SPINK5: variants seen among roughly 807,000 people sequenced by gnomAD.
The protein encoded by SPINK5 is serine peptidase inhibitor Kazal type 5, also known as serine protease inhibitor Kazal-type 5.
In SPINK5, 125 loss-of-function variants were observed where a neutral mutation model predicts 151.8. The ratio of observed to expected loss-of-function variants is 0.82; its 90% CI spans 0.71 to 0.96. The LOEUF (loss-of-function observed/expected upper bound fraction) is 0.96, where lower values mean the gene tolerates loss of function less well. Ranked by LOEUF, SPINK5 falls within the 40% of genes least tolerant of loss-of-function variation. The pLI is 0.00. For missense variants in SPINK5, 1,194 were observed against 1,291.9 expected (o/e 0.92, Z 1.16); for synonymous variants, 374 against 395.3 (o/e 0.95, Z 0.64).
chr5:148,070,280 T>C (rs1056656156), intron 2 of SPINK5, 43 bp from the exon 3 acceptor site: 8 of 1,607,128 alleles, frequency 5.0e-6, no homozygotes, highest in Non-Finnish European at 6.8e-6. Context: ...AAGCTTGTTT[T>C]GATGTACTTT....
intron 4 of SPINK5, among the ~76,000 whole-genome samples, chr5:148,072,830 CA>C (rs1269377541): frequency 1.3e-5 from 2 of 148,536 alleles, no homozygotes; most frequent in Non-Finnish European, 3.0e-5. Flanking sequence ...GACAGGGACT[CA>C]GGCTAATATT....
chr5:148,105,625 G>GT (rs200175062), intron 16 of SPINK5, among the ~76,000 whole-genome samples: 5,090 of 139,586 alleles, frequency 0.036, 147 homozygotes, highest in East Asian at 0.12. Context: ...CTTTTTTTCT[G>GT]TTTTTTTTGA....
rs1753657535 is a variant in SPINK5, at chr5:148,101,920, A to T, written c.1430+12A>T. 1 of 1,613,428 alleles carries T rather than the reference A, an allele frequency of 6.2e-7. No homozygotes were observed. The highest frequency in any genetic ancestry group is 8.5e-7 in the Non-Finnish European group (1 of 1,179,512). On this transcript the variant is annotated intron_variant, in intron 15 of 32. Coordinates refer to ENST00000256084, the MANE Select transcript of SPINK5 (RefSeq NM_006846.4). ...TGTGAGGCCTTCTTGTGAGTAGAGC[A>T]GTAGCCCCATAGCGTCTGAGGATTG...
intron 15 of SPINK5, among the ~76,000 whole-genome samples, chr5:148,104,474 T>C (rs770885594): frequency 3.3e-5 from 5 of 152,174 alleles, no homozygotes; most frequent in Non-Finnish European, 5.9e-5. Flanking sequence ...TGAGGTAGAG[T>C]GAATCATAAT....
intron 2 of SPINK5, among the ~76,000 whole-genome samples, chr5:148,069,184 G>A (rs1354084525): frequency 6.6e-6 from 1 of 151,824 alleles, no homozygotes; most frequent in Non-Finnish European, 1.5e-5. Context: ...TAGCAGAAAT[G>A]CACCATATTT....
rs546562401 is a variant in SPINK5 at position 148,128,686 on chromosome 5, G to A, written c.2964+1607G>A. On this transcript the variant is annotated intron_variant, in intron 30 of 32. Coordinates refer to ENST00000256084, the MANE Select transcript of SPINK5 (RefSeq NM_006846.4). ...TGGGACTACAGGTGCCCGCCACCAC[G>A]CTAATTTTTTGTATTTTTAGTAGAG... 5.3e-5 allele frequency among the ~76,000 whole-genome samples: 8 copies of A among 152,118 alleles called. No individual in the cohort carries two copies. The South Asian group carries it at 8.3e-4, about 16-fold the overall frequency.
intron 17 of SPINK5, among the ~76,000 whole-genome samples, 189 bp from the exon 18 acceptor site, chr5:148,108,564 G>A (rs1753838481): frequency 6.6e-6 from 1 of 152,130 alleles, no homozygotes; most frequent in African/African-American, 2.4e-5. Context: ...TTCTTCTTTA[G>A]AGGGGGAATG....
intron 26 of SPINK5, among the ~76,000 whole-genome samples, chr5:148,120,633 C>G (rs1561701787): frequency 6.6e-6 from 1 of 152,202 alleles, no homozygotes; most frequent in East Asian, 1.9e-4. Context: ...CAGTGAATTT[C>G]ATTTTTGAAT....
chr5:148,064,135 C>T, intron 1 of SPINK5, 36 bp downstream of exon 1: 2 of 1,613,344 alleles, frequency 1.2e-6, no homozygotes, highest in Middle Eastern at 1.7e-4. Context: ...CCTCTTGCCA[C>T]ACATCTCAAA....
At chr5:148,100,386 G>A in intron 12 of SPINK5, 68 bp from the exon 13 acceptor site, 1 of 1,509,158 alleles carries the variant, frequency 6.6e-7, no homozygotes, top group Non-Finnish European at 9.2e-7. Context: ...TGCCAATGTA[G>A]ATGTTTGAAC....
chr5:148,134,023 C>A, intron 32 of SPINK5, 136 bp downstream of exon 32: 1 of 786,112 alleles, frequency 1.3e-6, no homozygotes, highest in Non-Finnish European at 2.2e-6. Context: ...CAGAATTGGT[C>A]ACATTTTCAC....
intron 4 of SPINK5, 85 bp from the exon 5 acceptor site, chr5:148,086,320 T>C: frequency 6.5e-7 from 1 of 1,537,550 alleles, no homozygotes; most frequent in Non-Finnish European, 8.8e-7. Context: ...TACATTATTG[T>C]GGGCTTAAAA....
intron 5 of SPINK5, 151 bp downstream of exon 5, chr5:148,086,683 A>C: frequency 1.0e-6 from 1 of 953,732 alleles, no homozygotes. Flanking sequence ...TACTACTCTT[A>C]AGACAAATAA....
At chr5:148,099,611 A>G (rs973751116) in intron 12 of SPINK5, among the ~76,000 whole-genome samples, 4 of 152,040 alleles carry the variant, frequency 2.6e-5, no homozygotes, top group South Asian at 2.1e-4. Flanking sequence ...GAAATTCTAC[A>G]TGTATGCTTT....
At position 148,086,466 on chromosome 5, in the gene SPINK5, A is replaced by G. The variant is rs747056451; in HGVS notation, c.344A>G (p.Tyr115Cys). Residue 115 changes from tyrosine to cysteine, a missense_variant, in exon 5 of 33, where the codon TAT becomes TGT. Transcript: ENST00000256084. ...GGGGATTTTATCTGTCCTGATTATT[A>G]TGAAGCTGTTTGTGGCACAGATGGG... Reference protein sequence around the residue: ...RDGDFICPDYYEAVCGTDGKT... With the variant: ...RDGDFICPDYCEAVCGTDGKT... The G allele has an allele frequency of 7.4e-6, 12 of 1,612,102 alleles. No individual in the cohort carries two copies. The highest frequency in any genetic ancestry group is 8.5e-7 in the Non-Finnish European group (1 of 1,178,824).
chr5:148,127,373 A>C (rs759572709), intron 30 of SPINK5, among the ~76,000 whole-genome samples: 1 of 152,170 alleles, frequency 6.6e-6, no homozygotes, highest in Admixed American at 6.5e-5. Flanking sequence ...TAAAATACAT[A>C]GTCAGGTGCC....
In SPINK5 at chr5:148,096,747, C is replaced by CT. The variant is rs141541747; in HGVS notation, c.882+846dup. Among the ~76,000 whole-genome samples, 588 of 136,210 alleles carry CT rather than the reference C, an allele frequency of 4.3e-3. 4 individuals are homozygous for CT. The highest frequency in any genetic ancestry group is 0.016 in the African/African-American group (533 of 33,176). The allele number at this position is 136,210 out of a possible 152,430, so 89.4% of individuals were successfully genotyped here. Reference sequence around the variant, plus strand: ...CTTTTTTTCTTTTTCTTTTTCTTTTCTTTTCTTTTTTTTTTTAAGACAATT... The same window carrying CT: ...CTTTTTTTCTTTTTCTTTTTCTTTTCTTTTTCTTTTTTTTTTTAAGACAATT... On this transcript the variant is annotated intron_variant, in intron 10 of 32. Transcript: ENST00000256084.
intron 26 of SPINK5, among the ~76,000 whole-genome samples, chr5:148,121,150 A>G (rs1182548550): frequency 2.7e-5 from 4 of 150,146 alleles, no homozygotes; most frequent in Non-Finnish European, 5.9e-5. Flanking sequence ...TCTCAAAAAA[A>G]AAAAAAAAAA....
At chr5:148,112,307 C>A (rs1451954535) in intron 19 of SPINK5, among the ~76,000 whole-genome samples, 1 of 151,936 alleles carries the variant, frequency 6.6e-6, no homozygotes, top group Non-Finnish European at 1.5e-5. Context: ...CTTTATTTTT[C>A]AAAAGAGATA....
Sources: gnomAD v4.1 joint callset for allele counts (sites outside exome capture counted in the v4.1 genomes callset) on GRCh38, gnomAD v4.1.1 for gene constraint, MANE v1.5 for transcripts, NCBI Gene and HGNC (gene_info 2026-07-23, HGNC 2026-07-21) for gene names.